Variants in TRIP12 observed in about 807,000 individuals in gnomAD.
TRIP12 encodes the protein thyroid hormone receptor interactor 12, also known as E3 ubiquitin-protein ligase TRIP12.
In TRIP12, 25 loss-of-function variants were observed where a neutral mutation model predicts 244.2. The observed-to-expected ratio is 0.10, with a 90% CI of 0.07 to 0.14. TRIP12 has a LOEUF of 0.14. Ranked by LOEUF, TRIP12 falls within the 10% of genes least tolerant of loss-of-function variation. The pLI is 1.00. For synonymous variants in TRIP12, 905 were observed against 873.1 expected (o/e 1.04, Z -0.64); for missense variants, 1,677 against 2,486.4 (o/e 0.67, Z 6.92).
intron 1 of TRIP12, among the ~76,000 whole-genome samples, chr2:229,910,736 G>A (rs2074101279): frequency 6.6e-6 from 1 of 152,062 alleles, no homozygotes; most frequent in South Asian, 2.1e-4. Flanking sequence ...AGCAGCAACT[G>A]GAAAGGCAAC....
intron 4 of TRIP12, among the ~76,000 whole-genome samples, chr2:229,843,424 A>G (rs1164674265): frequency 1.3e-5 from 2 of 152,100 alleles, no homozygotes; most frequent in Non-Finnish European, 2.9e-5. Flanking sequence ...TATCTATAAA[A>G]CAAACAAACA....
intron 2 of TRIP12, among the ~76,000 whole-genome samples, chr2:229,879,696 A>G (rs930672742): frequency 1.3e-5 from 2 of 152,232 alleles, no homozygotes; most frequent in Non-Finnish European, 2.9e-5. Flanking sequence ...TGTAACATAC[A>G]TTTAACGAAG....
intron 4 of TRIP12, among the ~76,000 whole-genome samples, 180 bp downstream of exon 4, chr2:229,858,592 C>T (rs906929911): frequency 6.6e-6 from 1 of 152,100 alleles, no homozygotes; most frequent in Non-Finnish European, 1.5e-5. Flanking sequence ...CCTGTCTCAA[C>T]AAAACTAAAT....
intron 24 of TRIP12, among the ~76,000 whole-genome samples, chr2:229,797,484 GT>G (rs1259193983): frequency 6.6e-6 from 1 of 152,168 alleles, no homozygotes. Flanking sequence ...CAAAGATGAG[GT>G]TTCTAGTACA....
rs2031454613 is a variant in TRIP12, at chr2:229,765,439, G to C, written c.*2115C>G. On this transcript the variant is annotated 3_prime_UTR_variant, in exon 42 of 42. Coordinates refer to ENST00000675903, the MANE Select transcript of TRIP12 (RefSeq NM_001348323.3). Reference sequence around the variant, plus strand: ...ACCAAAGGTCCCGTGTATTGAAGGAGGAATAAGCTAAAGGCTGAGGCTTTT... The same window carrying C: ...ACCAAAGGTCCCGTGTATTGAAGGACGAATAAGCTAAAGGCTGAGGCTTTT... 1 of 152,146 alleles carries C rather than the reference G, an allele frequency of 6.6e-6. No individual in the cohort carries two copies. Among genetic ancestry groups the C allele is most frequent in the South Asian group, 2.1e-4 (1 of 4,826 alleles). The allele number at this position is 152,146 out of a possible 1,614,324, so 9.4% of individuals were successfully genotyped here.
In TRIP12 at chr2:229,771,537, C is replaced by T. The variant is rs1162657198; in HGVS notation, c.5790G>A (p.Gln1930=). The change falls in exon 39 of 42, where the codon CAG becomes CAA. Residue 1930 remains glutamine (Q), a synonymous_variant. Transcript: ENST00000675903. ...TACTCACTTCCTCCGGGTAGAAGTA[C>T]TGAAGATGACTGAGTGGGAAGACTG... ...FESVFPLSHL[Q]YFYPEELDQL... The T allele has an allele frequency of 9.3e-6, 15 of 1,613,720 alleles. No homozygotes were observed. The highest frequency in any genetic ancestry group is 1.2e-5 in the Non-Finnish European group (14 of 1,179,778).
intron 1 of TRIP12, among the ~76,000 whole-genome samples, chr2:229,890,706 A>T (rs2067137927): frequency 6.6e-6 from 1 of 152,216 alleles, no homozygotes; most frequent in Non-Finnish European, 1.5e-5. Context: ...TGCATTTCAG[A>T]GTAATTATAC....
At chr2:229,898,198 C>T (rs1028587642) in intron 1 of TRIP12, among the ~76,000 whole-genome samples, 2 of 152,162 alleles carry the variant, frequency 1.3e-5, no homozygotes, top group African/African-American at 4.8e-5. Flanking sequence ...AAGTCAATGT[C>T]AAGTAATAGT....
intron 21 of TRIP12, among the ~76,000 whole-genome samples, chr2:229,800,845 C>A (rs1306570763): frequency 6.6e-6 from 1 of 152,000 alleles, no homozygotes; most frequent in South Asian, 2.1e-4. Context: ...GGGAGGGTCA[C>A]TTGAGCCCGG....
chr2:229,822,813 C>A (rs2154291563), intron 8 of TRIP12, among the ~76,000 whole-genome samples: 1 of 152,046 alleles, frequency 6.6e-6, no homozygotes, highest in South Asian at 2.1e-4. Context: ...AAAATACAAG[C>A]AAAGATGGAC....
rs2036556962 is a variant in TRIP12, at chr2:229,777,216, C to T, written c.5529+99G>A. 20 of 1,318,078 alleles carry T rather than the reference C, an allele frequency of 1.5e-5. No homozygotes were observed. In the South Asian group the frequency reaches 2.5e-4, roughly 17 times the overall value. 81.6% of individuals were successfully genotyped at this position (1,318,078 alleles called of 1,614,324 possible). ...AGAATTAAAATCTTCTAAAATAAAA[C>T]ATTAATATAACAACTGAGTCAAATA... On this transcript the variant is annotated intron_variant, in intron 37 of 41. Coordinates refer to ENST00000675903, the MANE Select transcript of TRIP12 (RefSeq NM_001348323.3).
intron 21 of TRIP12, among the ~76,000 whole-genome samples, chr2:229,801,677 G>A (rs1008953713): frequency 2.0e-5 from 3 of 152,160 alleles, no homozygotes; most frequent in Non-Finnish European, 2.9e-5. Flanking sequence ...AACATTCTTA[G>A]TAGCATGGTA....
chr2:229,881,231 A>G (rs2064810174), intron 1 of TRIP12, among the ~76,000 whole-genome samples: 1 of 152,244 alleles, frequency 6.6e-6, no homozygotes, highest in Non-Finnish European at 1.5e-5. Flanking sequence ...TGAACTTTCT[A>G]TAAGAAATGA....
At chr2:229,777,780 C>T (rs372769201) in intron 36 of TRIP12, among the ~76,000 whole-genome samples, 2 of 152,170 alleles carry the variant, frequency 1.3e-5, no homozygotes, top group East Asian at 3.8e-4. Context: ...AACTGATAAA[C>T]TGCCCACTCT....
chr2:229,840,764 T>A (rs901519817), intron 5 of TRIP12, 58 bp downstream of exon 5: 6 of 1,186,506 alleles, frequency 5.1e-6, no homozygotes, highest in South Asian at 1.5e-5. Context: ...TTGATGAAAG[T>A]TGAAATTGAG....
At chr2:229,774,025 G>C (rs2035433734) in intron 38 of TRIP12, 72 bp downstream of exon 38, 1 of 1,522,432 alleles carries the variant, frequency 6.6e-7, no homozygotes, top group African/African-American at 1.4e-5. Context: ...TGTGCAGCCA[G>C]AAGCAAGGTA....
At chr2:229,886,198 T>C (rs1400991293) in intron 1 of TRIP12, among the ~76,000 whole-genome samples, 3 of 152,186 alleles carry the variant, frequency 2.0e-5, no homozygotes, top group Admixed American at 6.5e-5. Flanking sequence ...AACTCTTAAG[T>C]AGCCATATGT....
chr2:229,910,374 T>C (rs1164551395), intron 1 of TRIP12, among the ~76,000 whole-genome samples: 1 of 152,208 alleles, frequency 6.6e-6, no homozygotes, highest in Non-Finnish European at 1.5e-5. Flanking sequence ...CGTAACACTA[T>C]GGCTGAATAT....
At chr2:229,917,380 C>CAAAAAAAAAAAAAAAAAAAAAAAA (rs60397605) in intron 1 of TRIP12, among the ~76,000 whole-genome samples, 3 of 29,264 alleles carry the variant, frequency 1.0e-4, no homozygotes, top group African/African-American at 2.5e-4. Context: ...GACTCTGTCT[C>CAAAAAAAAAAAAAAAAAAAAAAAA]AAAAAAAAAA....
Sources: gnomAD v4.1 joint callset for allele counts (sites outside exome capture counted in the v4.1 genomes callset) on GRCh38, gnomAD v4.1.1 for gene constraint, MANE v1.5 for transcripts, NCBI Gene and HGNC (gene_info 2026-07-23, HGNC 2026-07-21) for gene names.